Variants in BABAM2 observed in about 807,000 individuals in gnomAD.
BABAM2 encodes the protein BRISC and BRCA1 A complex member 2.
Under a neutral mutation model 54.7 loss-of-function variants are expected in BABAM2, and 31 were observed. That is an observed-to-expected ratio of 0.57 (90% CI 0.43 to 0.77). The LOEUF (loss-of-function observed/expected upper bound fraction) is 0.77, where lower values mean the gene tolerates loss of function less well. Among genes scored for constraint, BABAM2 ranks in the 30% least tolerant of loss-of-function variants. The pLI, the probability that BABAM2 is intolerant of heterozygous loss-of-function variation, is 0.00. For missense variants in BABAM2, 364 were observed against 455.8 expected, an observed-to-expected ratio of 0.80 and a Z score of 1.83; for synonymous variants, 167 against 162.9, an observed-to-expected ratio of 1.03 and a Z score of -0.19.
At chr2:28,026,748 TATAA>T (rs1331972325) in intron 5 of BABAM2, among the ~76,000 whole-genome samples, 9 of 59,368 alleles carry the variant, frequency 1.5e-4, no homozygotes, top group African/African-American at 4.3e-4. Flanking sequence ...TATATTTATA[TATAA>T]ATATATATCT....
chr2:28,144,691 C>G (rs930974099), intron 7 of BABAM2, among the ~76,000 whole-genome samples: 1 of 152,196 alleles, frequency 6.6e-6, no homozygotes, highest in Non-Finnish European at 1.5e-5. Flanking sequence ...GAATCACAGA[C>G]AAGAGCAATC....
intron 11 of BABAM2, among the ~76,000 whole-genome samples, chr2:28,305,753 C>A (rs1328635848): frequency 6.6e-6 from 1 of 152,056 alleles, no homozygotes; most frequent in African/African-American, 2.4e-5. Context: ...AGAAATTGAT[C>A]CATCATGTCT....
chr2:28,045,137 C>T (rs1320577723), intron 5 of BABAM2, among the ~76,000 whole-genome samples: 1 of 152,204 alleles, frequency 6.6e-6, no homozygotes, highest in Non-Finnish European at 1.5e-5. Context: ...CGCCAAACCT[C>T]CGTACCTCTT....
intron 5 of BABAM2, among the ~76,000 whole-genome samples, chr2:28,041,789 A>G (rs908701904): frequency 8.5e-5 from 13 of 152,092 alleles, no homozygotes; most frequent in Middle Eastern, 3.2e-3. Context: ...AATCCTGACC[A>G]TTTGGTAGTT....
intron 2 of BABAM2, among the ~76,000 whole-genome samples, chr2:27,924,894 G>C (rs2148339092): frequency 6.6e-6 from 1 of 152,310 alleles, no homozygotes; most frequent in Non-Finnish European, 1.5e-5. Context: ...AAGGAAGATA[G>C]AATGTAACAT....
chr2:28,119,951 C>T (rs1215993575), intron 6 of BABAM2, among the ~76,000 whole-genome samples: 1 of 151,960 alleles, frequency 6.6e-6, no homozygotes, highest in African/African-American at 2.4e-5. Context: ...ATAGAATGGC[C>T]CTAACTGTAC....
intron 6 of BABAM2, among the ~76,000 whole-genome samples, chr2:28,088,925 A>G (rs1948923): frequency 0.081 from 12,279 of 152,196 alleles, 1,660 homozygotes; most frequent in African/African-American, 0.28. Flanking sequence ...GTGACAAATC[A>G]TAAGCACTAA....
At chr2:27,906,227 C>T (rs560418686) in intron 2 of BABAM2, among the ~76,000 whole-genome samples, 2 of 152,140 alleles carry the variant, frequency 1.3e-5, no homozygotes, top group South Asian at 4.2e-4. Flanking sequence ...GTGAACAGTG[C>T]ATGGTGTTGA....
At chr2:28,026,887 G>GATATATATTT (rs1675813893) in intron 5 of BABAM2, among the ~76,000 whole-genome samples, 1 of 60,936 alleles carries the variant, frequency 1.6e-5, no homozygotes, top group Non-Finnish European at 2.8e-5. Flanking sequence ...TATATATATA[G>GATATATATTT]ATATATATAA....
At chr2:28,046,257 C>T (rs929272819) in intron 6 of BABAM2, among the ~76,000 whole-genome samples, 1 of 152,104 alleles carries the variant, frequency 6.6e-6, no homozygotes, top group Admixed American at 6.5e-5. Context: ...GAGTTTGAGA[C>T]CAGCCTGGCC....
intron 11 of BABAM2, among the ~76,000 whole-genome samples, chr2:28,307,102 G>C (rs1688621668): frequency 6.8e-6 from 1 of 146,026 alleles, no homozygotes; most frequent in Non-Finnish European, 1.5e-5. Flanking sequence ...TGCCTCCCGG[G>C]TTCAAGTGAT....
chr2:28,169,981 CATTT>C (rs1157040644), intron 7 of BABAM2, among the ~76,000 whole-genome samples: 1 of 151,998 alleles, frequency 6.6e-6, no homozygotes, highest in Non-Finnish European at 1.5e-5. Flanking sequence ...TTTCAAAAAA[CATTT>C]ATTTGAAAGT....
rs555125253 is a variant in BABAM2 at position 27,965,271 on chromosome 2, C to T, written c.206-22722C>T. On this transcript the variant is annotated intron_variant, in intron 3 of 11. Coordinates refer to ENST00000379624, the MANE Select transcript of BABAM2 (RefSeq NM_199191.3). The stretch of plus-strand genomic sequence containing the variant: ...TTCAACGTAAATTATATTGGTTTAC[C>T]GTGTGAAATCAAATCTTGGTGGCAA... 5.7e-4 allele frequency among the ~76,000 whole-genome samples: 87 copies of T among 151,974 alleles called. 1 individual carries two copies. In the South Asian group the frequency reaches 0.016, roughly 29 times the overall value.
At chr2:28,109,569 C>A (rs553007314) in intron 6 of BABAM2, among the ~76,000 whole-genome samples, 75 of 152,182 alleles carry the variant, frequency 4.9e-4, no homozygotes, top group Non-Finnish European at 9.3e-4. Context: ...GTCTAAGGTC[C>A]TTTTTACCTT....
chr2:28,202,103 C>T (rs1029255206), intron 7 of BABAM2, among the ~76,000 whole-genome samples: 11 of 152,190 alleles, frequency 7.2e-5, no homozygotes, highest in African/African-American at 2.7e-4. Context: ...AGATGTAATT[C>T]ACACCTCTAC....
At chr2:27,931,352 G>C (rs1418787651) in intron 3 of BABAM2, among the ~76,000 whole-genome samples, 1 of 152,078 alleles carries the variant, frequency 6.6e-6, no homozygotes, top group Non-Finnish European at 1.5e-5. Flanking sequence ...AGTTTCCTGA[G>C]AGAATCACTT....
chr2:28,050,135 G>A (rs1677893353), intron 6 of BABAM2, among the ~76,000 whole-genome samples: 1 of 152,194 alleles, frequency 6.6e-6, no homozygotes, highest in Non-Finnish European at 1.5e-5. Flanking sequence ...TTTGGGACTG[G>A]TGTTGCCAGA....
In BABAM2 at chr2:27,982,450, T is replaced by G. The variant is rs138205140; in HGVS notation, c.206-5543T>G. ...AGTTATAAAGATTTATTCTTATGTTTCCTTGAAGAATCTTGTAGTTTTTTG... is the reference window on the plus strand; with the variant it reads ...AGTTATAAAGATTTATTCTTATGTTGCCTTGAAGAATCTTGTAGTTTTTTG... On this transcript the variant is annotated intron_variant, in intron 3 of 11. Transcript: ENST00000379624. 2.1e-3 allele frequency among the ~76,000 whole-genome samples: 319 copies of G among 152,246 alleles called. 1 individual carries two copies. Among genetic ancestry groups the G allele is most frequent in the African/African-American group, 7.3e-3 (302 of 41,570 alleles).
At chr2:27,962,888 G>T (rs1345561527) in intron 3 of BABAM2, among the ~76,000 whole-genome samples, 1 of 152,126 alleles carries the variant, frequency 6.6e-6, no homozygotes, top group East Asian at 1.9e-4. Flanking sequence ...TCATTAAAAA[G>T]AATATTATCC....
Sources: gnomAD v4.1 joint callset for allele counts (sites outside exome capture counted in the v4.1 genomes callset) on GRCh38, gnomAD v4.1.1 for gene constraint, MANE v1.5 for transcripts, NCBI Gene and HGNC (gene_info 2026-07-23, HGNC 2026-07-21) for gene names.